ARHGAP6: variants seen among roughly 807,000 people sequenced by gnomAD.
The protein encoded by ARHGAP6 is Rho GTPase activating protein 6.
A neutral mutation model predicts 55.7 loss-of-function variants in ARHGAP6; 16 were observed. The observed-to-expected ratio is 0.29, with a 90% CI of 0.19 to 0.44. ARHGAP6 has a LOEUF of 0.44. ARHGAP6 is among the 20% of genes least tolerant of loss of function. ARHGAP6 has a pLI of 1.00. For missense variants in ARHGAP6, 698 were observed against 808.9 expected, an observed-to-expected ratio of 0.86 and a Z score of 1.66; for synonymous variants, 382 against 360.9, an observed-to-expected ratio of 1.06 and a Z score of -0.66.
At chrX:11,354,268 T>G (rs930444961) in intron 1 of ARHGAP6, among the ~76,000 whole-genome samples, 6 of 69,836 alleles carry the variant, frequency 8.6e-5, no homozygotes, top group African/African-American at 2.9e-4. Context: ...TGGAAAGAGC[T>G]CTCTCTCTCT....
intron 1 of ARHGAP6, among the ~76,000 whole-genome samples, chrX:11,516,693 A>C (rs2050844685): frequency 1.8e-5 from 2 of 112,302 alleles, no homozygotes; most frequent in Admixed American, 1.9e-4. Context: ...TTAATGTTTC[A>C]GTTTTATTGA....
intron 1 of ARHGAP6, among the ~76,000 whole-genome samples, chrX:11,286,306 C>T (rs2047920929): frequency 9.0e-6 from 1 of 111,585 alleles, no homozygotes; most frequent in Admixed American, 9.5e-5. Flanking sequence ...CACCCTCTAT[C>T]TTTTTTAGTG....
chrX:11,433,660 G>A (rs778659405), intron 1 of ARHGAP6, among the ~76,000 whole-genome samples: 1 of 112,092 alleles, frequency 8.9e-6, no homozygotes, highest in Non-Finnish European at 1.9e-5. Flanking sequence ...GTTGTCTAAA[G>A]CCTGCAGAAT....
intron 2 of ARHGAP6, among the ~76,000 whole-genome samples, chrX:11,237,881 G>A (rs999756647): frequency 3.6e-5 from 4 of 111,937 alleles, no homozygotes; most frequent in African/African-American, 1.3e-4. Context: ...AGGCACTAGC[G>A]ATATTTGGGG....
At chrX:11,165,158 T>C (rs188548874) in intron 9 of ARHGAP6, among the ~76,000 whole-genome samples, 35 of 111,393 alleles carry the variant, frequency 3.1e-4, no homozygotes, top group African/African-American at 1.1e-3. Flanking sequence ...ACATTTTTTT[T>C]CTAGTAATAC....
chrX:11,144,440 G>A (rs2045662130), intron 10 of ARHGAP6, among the ~76,000 whole-genome samples, 192 bp from the exon 11 acceptor site: 1 of 112,335 alleles, frequency 8.9e-6, no homozygotes, highest in African/African-American at 3.2e-5. Context: ...ATGACCAGCA[G>A]AGGGCAGTAA....
chrX:11,568,685 G>A (rs776942415), intron 1 of ARHGAP6, among the ~76,000 whole-genome samples: 8 of 108,608 alleles, frequency 7.4e-5, no homozygotes, highest in Non-Finnish European at 1.5e-4. Context: ...TGAACGCTAA[G>A]GGTAGAGGTT....
intron 1 of ARHGAP6, among the ~76,000 whole-genome samples, chrX:11,660,834 G>A (rs2052694541): frequency 9.0e-6 from 1 of 110,957 alleles, no homozygotes; most frequent in South Asian, 3.8e-4. Context: ...CATCTTTGAA[G>A]ATCAAGTTTA....
At chrX:11,300,946 TA>T (rs1025293591) in intron 1 of ARHGAP6, among the ~76,000 whole-genome samples, 40 of 112,158 alleles carry the variant, frequency 3.6e-4, no homozygotes, top group African/African-American at 1.3e-3. Flanking sequence ...AAATCTTTTT[TA>T]AAAAACAAAG....
intron 1 of ARHGAP6, among the ~76,000 whole-genome samples, chrX:11,393,515 G>A (rs2049437685): frequency 8.9e-6 from 1 of 111,796 alleles, no homozygotes; most frequent in South Asian, 3.7e-4. Flanking sequence ...GTTCTATTCT[G>A]TTGTGATACA....
chrX:11,652,643 A>AT (rs1313907466), intron 1 of ARHGAP6, among the ~76,000 whole-genome samples: 2 of 112,070 alleles, frequency 1.8e-5, no homozygotes, highest in Admixed American at 9.5e-5. Flanking sequence ...AGTATTAGTG[A>AT]TTTTCTGGAA....
intron 5 of ARHGAP6, among the ~76,000 whole-genome samples, chrX:11,184,224 A>C (rs1163877286): frequency 8.9e-6 from 1 of 112,160 alleles, no homozygotes; most frequent in Non-Finnish European, 1.9e-5. Context: ...ATTTATGACT[A>C]GTACAATATA....
At chrX:11,282,626 A>G (rs775807646) in intron 1 of ARHGAP6, among the ~76,000 whole-genome samples, 1 of 112,218 alleles carries the variant, frequency 8.9e-6, no homozygotes, top group Non-Finnish European at 1.9e-5. Flanking sequence ...AACCATGGCT[A>G]CACATTATAT....
At chrX:11,513,764 T>C (rs1330603909) in intron 1 of ARHGAP6, among the ~76,000 whole-genome samples, 2 of 111,117 alleles carry the variant, frequency 1.8e-5, no homozygotes, top group Non-Finnish European at 3.8e-5. Context: ...TGTGAGTGTA[T>C]TGATAGGTCA....
At chrX:11,356,896 T>C (rs1239024707) in intron 1 of ARHGAP6, among the ~76,000 whole-genome samples, 1 of 112,090 alleles carries the variant, frequency 8.9e-6, no homozygotes, top group Non-Finnish European at 1.9e-5. Flanking sequence ...AATATCCATA[T>C]TGCCTGGACC....
At chrX:11,354,217 T>C (rs1423853459) in intron 1 of ARHGAP6, among the ~76,000 whole-genome samples, 2 of 103,069 alleles carry the variant, frequency 1.9e-5, no homozygotes, top group Non-Finnish European at 3.9e-5. Flanking sequence ...AATGATTACA[T>C]GAGATAAAAA....
At position 11,287,856 on chromosome X, in the gene ARHGAP6, A is replaced by G. The variant is rs745723974; in HGVS notation, c.589-33149T>C. 1.9e-3 allele frequency among the ~76,000 whole-genome samples: 213 copies of G among 112,354 alleles called. 2 individuals carry two copies. The highest frequency in any genetic ancestry group is 6.8e-3 in the African/African-American group (210 of 30,933). Reference sequence around the variant, plus strand: ...AGGAATTCTACATTTAATTGCTAAGATCATGGAAGCATGAGAAGATGTCAC... The same window carrying G: ...AGGAATTCTACATTTAATTGCTAAGGTCATGGAAGCATGAGAAGATGTCAC... On this transcript the variant is annotated intron_variant, in intron 1 of 12. Transcript: ENST00000337414.
chrX:11,364,915 C>G (rs2049056328), intron 1 of ARHGAP6, among the ~76,000 whole-genome samples: 1 of 110,219 alleles, frequency 9.1e-6, no homozygotes, highest in Non-Finnish European at 1.9e-5. Flanking sequence ...CTTCAGCCAA[C>G]AGGAAGCCCT....
At chrX:11,579,876 T>A (rs776588330) in intron 1 of ARHGAP6, among the ~76,000 whole-genome samples, 13 of 111,395 alleles carry the variant, frequency 1.2e-4, no homozygotes, top group Non-Finnish European at 2.4e-4. Context: ...GGAGACAAAA[T>A]CTCCCCCAAG....
Sources: allele counts gnomAD v4.1 joint callset (sites outside exome capture counted in the v4.1 genomes callset), GRCh38; gene constraint gnomAD v4.1.1; transcripts MANE v1.5; gene names NCBI Gene and HGNC (gene_info 2026-07-23, HGNC 2026-07-21).